The following SORCS3 variants were observed in gnomAD, a reference collection of about 807,000 sequenced individuals.
The protein encoded by SORCS3 is VPS10 domain-containing receptor SorCS3.
Under a neutral mutation model 146.3 loss-of-function variants are expected in SORCS3, and 57 were observed. The ratio of observed to expected loss-of-function variants is 0.39; its 90% CI spans 0.31 to 0.49. The LOEUF (loss-of-function observed/expected upper bound fraction) is 0.49, where lower values mean the gene tolerates loss of function less well. Among genes scored for constraint, SORCS3 ranks in the 20% least tolerant of loss-of-function variants. SORCS3 has a pLI of 0.92. For synonymous variants in SORCS3, 653 were observed against 618.5 expected, an observed-to-expected ratio of 1.06 and a Z score of -0.83; for missense variants, 1,341 against 1,575.5, an observed-to-expected ratio of 0.85 and a Z score of 2.52.
In SORCS3 at chr10:105,242,358, T is replaced by TTA. The variant is rs1320914366; in HGVS notation, c.2869-3176_2869-3175dup. On this transcript the variant is annotated intron_variant, in intron 20 of 26. Transcript: ENST00000369701. ...TTTATATATATATTTATACATATAT[T>TTA]TATATATATTTATACATATATTTAT... Among the ~76,000 whole-genome samples the TTA allele has an allele frequency of 8.3e-5, 10 of 120,856 alleles. 1 individual carries two copies. The highest frequency in any genetic ancestry group is 4.8e-4 in the South Asian group (2 of 4,140). The allele number at this position is 120,856 out of a possible 152,430, so 79.3% of individuals were successfully genotyped here.
In SORCS3 at chr10:105,215,565, G is replaced by A. The variant is rs1214561944; in HGVS notation, c.2547+952G>A. The stretch of plus-strand genomic sequence containing the variant: ...TAAAGGACTTTAAGATTCAGAGGAG[G>A]TCATTATCACATTTCCACTAGGGAG... On this transcript the variant is annotated intron_variant, in intron 18 of 26. Transcript: ENST00000369701. Among the ~76,000 whole-genome samples the A allele has an allele frequency of 2.6e-5, 4 of 152,164 alleles. 1 individual carries two copies. Among genetic ancestry groups the A allele is most frequent in the Non-Finnish European group, 5.9e-5 (4 of 68,026 alleles).
rs1451243256 is a variant in SORCS3, at chr10:104,917,204, T to C, written c.795+1272T>C. On this transcript the variant is annotated intron_variant, in intron 3 of 26. Transcript: ENST00000369701. ...AGGCTGGCTGTTTAGGCACCTGTTA[T>C]TGATTTTATTTGAGTAGTTTCTTTT... 3.3e-5 allele frequency among the ~76,000 whole-genome samples: 5 copies of C among 152,200 alleles called. No individual in the cohort carries two copies. The South Asian group carries it at 6.2e-4, about 19-fold the overall frequency.
intron 4 of SORCS3, among the ~76,000 whole-genome samples, chr10:104,999,462 T>C (rs897880079): frequency 5.3e-5 from 8 of 152,220 alleles, no homozygotes; most frequent in African/African-American, 1.4e-4. Flanking sequence ...TCTAAATTTC[T>C]GCCTGTTGGA....
chr10:104,661,117 G>A (rs572525501), intron 1 of SORCS3, among the ~76,000 whole-genome samples: 2 of 152,102 alleles, frequency 1.3e-5, no homozygotes, highest in African/African-American at 4.8e-5. Context: ...CTCTTGCTCT[G>A]TTCTTTACAC....
At chr10:104,725,264 A>G (rs2016611499) in intron 1 of SORCS3, among the ~76,000 whole-genome samples, 1 of 152,206 alleles carries the variant, frequency 6.6e-6, no homozygotes, top group Non-Finnish European at 1.5e-5. Flanking sequence ...TTGCCTGGGT[A>G]TCAGCAGCGG....
rs557720534 is a variant in SORCS3 at position 104,987,888 on chromosome 10, G to A, written c.954+10395G>A. The stretch of plus-strand genomic sequence containing the variant: ...AATGATTCTGGAGCCAAGGGGTGTA[G>A]ACAATTCTAATGCATTGAGCTTTGA... On this transcript the variant is annotated intron_variant, in intron 4 of 26. Coordinates refer to ENST00000369701, the MANE Select transcript of SORCS3 (RefSeq NM_014978.3). 7.9e-5 allele frequency among the ~76,000 whole-genome samples: 12 copies of A among 152,262 alleles called. No homozygotes were observed. The East Asian group carries it at 2.3e-3, about 29-fold the overall frequency.
At chr10:104,747,578 G>A (rs1294431287) in intron 1 of SORCS3, among the ~76,000 whole-genome samples, 1 of 152,186 alleles carries the variant, frequency 6.6e-6, no homozygotes. Context: ...TAGATTGCAA[G>A]GAGGCAAGAA....
chr10:104,969,167 T>C (rs904490322), intron 3 of SORCS3, among the ~76,000 whole-genome samples: 1 of 152,200 alleles, frequency 6.6e-6, no homozygotes, highest in African/African-American at 2.4e-5. Context: ...CCTTTTTTAT[T>C]TTTGAGCACC....
chr10:104,861,576 A>G (rs2018403592), intron 2 of SORCS3, among the ~76,000 whole-genome samples: 1 of 152,052 alleles, frequency 6.6e-6, no homozygotes, highest in Admixed American at 6.5e-5. Context: ...GTGTTTCCCC[A>G]CACCCTCAAC....
chr10:104,739,760 C>T (rs746276930), intron 1 of SORCS3, among the ~76,000 whole-genome samples: 1 of 152,174 alleles, frequency 6.6e-6, no homozygotes, highest in Non-Finnish European at 1.5e-5. Flanking sequence ...TGAAATCACA[C>T]GTGTCCCCAC....
chr10:104,824,274 C>G (rs74443885), intron 1 of SORCS3, among the ~76,000 whole-genome samples: 1,947 of 152,304 alleles, frequency 0.013, 30 homozygotes, highest in African/African-American at 0.035. Flanking sequence ...ATCTTCTTCT[C>G]TATGTATGTG....
At chr10:104,852,599 C>T (rs1309389361) in intron 2 of SORCS3, among the ~76,000 whole-genome samples, 1 of 152,150 alleles carries the variant, frequency 6.6e-6, no homozygotes, top group Non-Finnish European at 1.5e-5. Flanking sequence ...TGCCACTGAT[C>T]CAAGGCACTT....
intron 1 of SORCS3, among the ~76,000 whole-genome samples, chr10:104,754,540 G>A (rs1405558664): frequency 6.6e-6 from 1 of 152,098 alleles, no homozygotes; most frequent in Non-Finnish European, 1.5e-5. Context: ...TACCCCCCTG[G>A]CGTTTTTGGT....
At chr10:104,796,377 A>G (rs988771635) in intron 1 of SORCS3, among the ~76,000 whole-genome samples, 2 of 151,966 alleles carry the variant, frequency 1.3e-5, no homozygotes, top group Non-Finnish European at 2.9e-5. Flanking sequence ...TAGGATATCA[A>G]GGAGAAAATT....
chr10:104,645,801 C>T (rs2015488919), intron 1 of SORCS3, among the ~76,000 whole-genome samples: 1 of 152,170 alleles, frequency 6.6e-6, no homozygotes. Flanking sequence ...TCCTAATGTG[C>T]AAAATAGTGA....
intron 4 of SORCS3, among the ~76,000 whole-genome samples, chr10:105,039,571 C>T (rs1320091658): frequency 6.6e-6 from 1 of 151,088 alleles, no homozygotes; most frequent in African/African-American, 2.4e-5. Flanking sequence ...ATTCTCCTGC[C>T]TCAGCCTCCC....
At chr10:105,056,269 G>A (rs2055445196) in intron 5 of SORCS3, among the ~76,000 whole-genome samples, 1 of 152,172 alleles carries the variant, frequency 6.6e-6, no homozygotes, top group Non-Finnish European at 1.5e-5. Context: ...CTGGATAATT[G>A]TCATTTGCAT....
intron 5 of SORCS3, among the ~76,000 whole-genome samples, chr10:105,050,522 A>G (rs2055403332): frequency 6.6e-6 from 1 of 152,116 alleles, no homozygotes. Context: ...TCCTATCAGC[A>G]GTCACATGAG....
intron 3 of SORCS3, among the ~76,000 whole-genome samples, chr10:104,964,437 C>T (rs1589569015): frequency 6.6e-6 from 1 of 152,282 alleles, no homozygotes; most frequent in East Asian, 1.9e-4. Context: ...GGCCTTATCA[C>T]CATCTGATAT....
Sources: allele counts gnomAD v4.1 joint callset (sites outside exome capture counted in the v4.1 genomes callset), GRCh38; gene constraint gnomAD v4.1.1; transcripts MANE v1.5; gene names NCBI Gene and HGNC (gene_info 2026-07-23, HGNC 2026-07-21).